BCL2: variants seen among roughly 807,000 people sequenced by gnomAD.
The protein encoded by BCL2 is BCL2 apoptosis regulator, also known as apoptosis regulator Bcl-2.
Under a neutral mutation model 14.2 loss-of-function variants are expected in BCL2, and 1 was observed. The ratio of observed to expected loss-of-function variants is 0.07; its 90% CI spans 0.02 to 0.33. The LOEUF is 0.33. BCL2 is among the 10% of genes least tolerant of loss of function. The pLI is 0.99. For missense variants in BCL2, 247 were observed against 305.9 expected (o/e 0.81, Z 1.44); for synonymous variants, 151 against 137.2 (o/e 1.10, Z -0.70).
At chr18:63,130,483 C>A (rs1914035291) in intron 2 of BCL2, among the ~76,000 whole-genome samples, 1 of 152,196 alleles carries the variant, frequency 6.6e-6, no homozygotes, top group Non-Finnish European at 1.5e-5. Flanking sequence ...TTCACTTAAG[C>A]TTTCTGAATA....
rs368087031 is a variant in BCL2, at chr18:63,224,188, G to A, written c.585+93894C>T. On this transcript the variant is annotated intron_variant, in intron 2 of 2. Coordinates refer to ENST00000333681, the MANE Select transcript of BCL2 (RefSeq NM_000633.3). ...AAAGATAAAGAGATGGAAAACAGGT[G>A]AGAAAATATGAAAAAATCACAAAAC... Among the ~76,000 whole-genome samples, 42 of 152,266 alleles carry A rather than the reference G, an allele frequency of 2.8e-4. No homozygotes were observed. The South Asian group carries it at 8.5e-3, about 31-fold the overall frequency.
At chr18:63,289,481 A>C (rs1912580495) in intron 2 of BCL2, among the ~76,000 whole-genome samples, 1 of 152,208 alleles carries the variant, frequency 6.6e-6, no homozygotes, top group African/African-American at 2.4e-5. Context: ...AGAGCATAGC[A>C]ATCTTGCTAA....
At position 63,138,318 on chromosome 18, in the gene BCL2, G is replaced by C. The variant is rs990175786; in HGVS notation, c.586-9559C>G. Among the ~76,000 whole-genome samples the C allele has an allele frequency of 3.5e-4, 53 of 152,226 alleles. No homozygotes were observed. The East Asian group carries it at 8.1e-3, about 23-fold the overall frequency. ...CCATTTCCCCCCTTATCATCGGCTC[G>C]GCAGGATTTCCTCCACAGCCACATT... On this transcript the variant is annotated intron_variant, in intron 2 of 2. Coordinates refer to ENST00000333681, the MANE Select transcript of BCL2 (RefSeq NM_000633.3).
intron 2 of BCL2, among the ~76,000 whole-genome samples, chr18:63,198,169 CACAG>C (rs1909501815): frequency 1.3e-5 from 2 of 150,936 alleles, no homozygotes; most frequent in Non-Finnish European, 3.0e-5. Flanking sequence ...GACACACACA[CACAG>C]ACATACACAC....
intron 2 of BCL2, among the ~76,000 whole-genome samples, chr18:63,160,759 A>C (rs1001510820): frequency 6.1e-5 from 9 of 146,840 alleles, no homozygotes; most frequent in Admixed American, 1.4e-4. Context: ...GACCTGTCAA[A>C]GGGATGGGGG....
intron 2 of BCL2, among the ~76,000 whole-genome samples, chr18:63,286,698 G>A (rs1912484442): frequency 6.6e-6 from 1 of 152,152 alleles, no homozygotes; most frequent in Non-Finnish European, 1.5e-5. Flanking sequence ...TTTGGTTTGC[G>A]GCAGTTTCCA....
intron 2 of BCL2, among the ~76,000 whole-genome samples, chr18:63,245,850 TTACTGCCTA>T (rs1911137064): frequency 6.6e-6 from 1 of 152,196 alleles, no homozygotes; most frequent in African/African-American, 2.4e-5. Context: ...TATGAGAAAG[TTACTGCCTA>T]TAAGGCAGTA....
chr18:63,229,716 A>T (rs1910641568), intron 2 of BCL2, among the ~76,000 whole-genome samples: 1 of 152,186 alleles, frequency 6.6e-6, no homozygotes, highest in South Asian at 2.1e-4. Context: ...CAGCCTGCAG[A>T]ACCGTAAGTC....
At chr18:63,139,849 G>A (rs897930162) in intron 2 of BCL2, among the ~76,000 whole-genome samples, 6 of 152,086 alleles carry the variant, frequency 3.9e-5, no homozygotes, top group South Asian at 2.1e-4. Flanking sequence ...TCACTGTTTC[G>A]GGGGGAAGTA....
chr18:63,234,151 G>A (rs538019654), intron 2 of BCL2, among the ~76,000 whole-genome samples: 19 of 152,016 alleles, frequency 1.2e-4, no homozygotes, highest in Non-Finnish European at 2.1e-4. Context: ...ATAGGTAAAC[G>A]TGTGCCATGG....
At chr18:63,245,881 T>G (rs1178884432) in intron 2 of BCL2, among the ~76,000 whole-genome samples, 1 of 152,214 alleles carries the variant, frequency 6.6e-6, no homozygotes, top group South Asian at 2.1e-4. Flanking sequence ...CTTGCCCAAC[T>G]TAGCCCGATT....
intron 2 of BCL2, among the ~76,000 whole-genome samples, chr18:63,162,964 C>T (rs1461949672): frequency 2.0e-5 from 3 of 152,210 alleles, no homozygotes; most frequent in Non-Finnish European, 4.4e-5. Flanking sequence ...AAGTGATCCT[C>T]TTGCCTCAAC....
chr18:63,268,255 G>A (rs769728880), intron 2 of BCL2, among the ~76,000 whole-genome samples: 3 of 152,186 alleles, frequency 2.0e-5, no homozygotes, highest in Non-Finnish European at 4.4e-5. Context: ...AGCATTCTGT[G>A]GTTTTCTCTT....
Position 63,124,225 on chromosome 18 carries a change from A to G in BCL2, c.*4400T>C, listed in dbSNP as rs1913850940. On this transcript the variant is annotated 3_prime_UTR_variant, in exon 3 of 3. Transcript: ENST00000333681. ...ATTCAGTTTCACATTGCTTAATTTT[A>G]TAAAATTTTTTTCTGTATTGTACAT... 4.5e-6 allele frequency: 1 copy of G among 223,386 alleles called. No homozygotes were observed. Among genetic ancestry groups the G allele is most frequent in the Non-Finnish European group, 8.9e-6 (1 of 111,756 alleles). The allele number at this position is 223,386 out of a possible 1,614,324, so 13.8% of individuals were successfully genotyped here.
chr18:63,266,048 G>A (rs1599278993), intron 2 of BCL2, among the ~76,000 whole-genome samples: 1 of 152,096 alleles, frequency 6.6e-6, no homozygotes, highest in Non-Finnish European at 1.5e-5. Flanking sequence ...CCCTTTGGCC[G>A]CAAATTCCAA....
intron 2 of BCL2, among the ~76,000 whole-genome samples, chr18:63,204,834 C>A (rs944258294): frequency 6.6e-6 from 1 of 151,978 alleles, no homozygotes; most frequent in Non-Finnish European, 1.5e-5. Flanking sequence ...GGTAAAATCT[C>A]AAGATATACT....
chr18:63,269,101 C>T (rs924931999), intron 2 of BCL2, among the ~76,000 whole-genome samples: 2 of 151,846 alleles, frequency 1.3e-5, no homozygotes, highest in Admixed American at 6.6e-5. Flanking sequence ...GGTGCATACA[C>T]ACCACCATGA....
intron 2 of BCL2, among the ~76,000 whole-genome samples, chr18:63,144,041 G>C (rs1262667723): frequency 2.0e-5 from 3 of 152,240 alleles, no homozygotes; most frequent in African/African-American, 7.2e-5. Flanking sequence ...GTTTGGGCTG[G>C]TGAAGGCTTC....
intron 2 of BCL2, among the ~76,000 whole-genome samples, chr18:63,204,997 T>C (rs1289219557): frequency 6.6e-6 from 1 of 152,158 alleles, no homozygotes; most frequent in Non-Finnish European, 1.5e-5. Flanking sequence ...GAGCGAGTAG[T>C]GAATTGGGTG....
Sources: gnomAD v4.1 joint callset for allele counts (sites outside exome capture counted in the v4.1 genomes callset) on GRCh38, gnomAD v4.1.1 for gene constraint, MANE v1.5 for transcripts, NCBI Gene and HGNC (gene_info 2026-07-23, HGNC 2026-07-21) for gene names.